MCPH1: variants seen among roughly 807,000 people sequenced by gnomAD.
MCPH1 encodes microcephalin 1.
In MCPH1, 104 loss-of-function variants were observed where a neutral mutation model predicts 84.5. The observed-to-expected ratio is 1.23, with a 90% CI of 1.05 to 1.45. MCPH1 has a LOEUF of 1.45. Ranked by LOEUF, MCPH1 falls within the 40% of genes most tolerant of loss-of-function variation. The pLI is 0.00. For missense variants in MCPH1, 1,498 were observed against 1,005.7 expected (o/e 1.49, Z -6.62); for synonymous variants, 514 against 366.8 (o/e 1.40, Z -4.58).
At chr8:6,532,275 A>T (rs1407752116) in intron 12 of MCPH1, 2 of 1,601,320 alleles carry the variant, frequency 1.2e-6, no homozygotes, top group East Asian at 2.3e-5. Flanking sequence ...TCCTGACGCG[A>T]CTGAGTGCTA....
At chr8:6,611,856 G>A (rs1380166042) in intron 12 of MCPH1, among the ~76,000 whole-genome samples, 1 of 152,060 alleles carries the variant, frequency 6.6e-6, no homozygotes, top group Non-Finnish European at 1.5e-5. Flanking sequence ...CTGACCTCGT[G>A]ATCCACCCAC....
intron 12 of MCPH1, among the ~76,000 whole-genome samples, chr8:6,549,039 G>T (rs1223057802): frequency 6.6e-6 from 1 of 152,210 alleles, no homozygotes; most frequent in African/African-American, 2.4e-5. Context: ...AGACCACTCA[G>T]CGTATTTTCT....
intron 12 of MCPH1, among the ~76,000 whole-genome samples, chr8:6,610,275 A>G (rs767618350): frequency 6.6e-6 from 1 of 152,208 alleles, no homozygotes; most frequent in Non-Finnish European, 1.5e-5. Context: ...GCGGTTTGGA[A>G]AACACGAGCC....
At chr8:6,407,038 C>G in intron 1 of MCPH1, 1 of 365,340 alleles carries the variant, frequency 2.7e-6, no homozygotes, top group South Asian at 2.3e-5. Context: ...TGCCTGCTCC[C>G]TCCCCCATGC....
chr8:6,580,380 G>C (rs956761327), intron 12 of MCPH1, among the ~76,000 whole-genome samples: 2 of 152,228 alleles, frequency 1.3e-5, no homozygotes, highest in Non-Finnish European at 2.9e-5. Context: ...GTTGGGGCCA[G>C]GCATGGTGGT....
At chr8:6,442,563 G>A (rs1803675397) in intron 7 of MCPH1, among the ~76,000 whole-genome samples, 3 of 152,104 alleles carry the variant, frequency 2.0e-5, no homozygotes, top group Non-Finnish European at 4.4e-5. Context: ...CGTCAATTGA[G>A]GAGATAAATA....
chr8:6,502,912 G>A, intron 12 of MCPH1: 1 of 622,304 alleles, frequency 1.6e-6, no homozygotes, highest in Non-Finnish European at 2.7e-6. Context: ...TCTTGCTTTG[G>A]TCCGTTAAGT....
At chr8:6,551,983 A>G (rs1029035642) in intron 12 of MCPH1, among the ~76,000 whole-genome samples, 1 of 152,204 alleles carries the variant, frequency 6.6e-6, no homozygotes, top group Non-Finnish European at 1.5e-5. Flanking sequence ...TCTTCAGACT[A>G]ATGTTTATAA....
intron 12 of MCPH1, among the ~76,000 whole-genome samples, chr8:6,567,102 T>TA (rs1826245327): frequency 7.1e-6 from 1 of 141,086 alleles, no homozygotes; most frequent in Admixed American, 7.1e-5. Context: ...GGCAAGGCCA[T>TA]GGATAGTGCA....
At chr8:6,576,627 C>T (rs369153534) in intron 12 of MCPH1, among the ~76,000 whole-genome samples, 12 of 148,170 alleles carry the variant, frequency 8.1e-5, no homozygotes, top group East Asian at 2.0e-4. Flanking sequence ...TCTGCCTCAG[C>T]CTTCTGAGTA....
chr8:6,532,928 G>A (rs912326833), intron 12 of MCPH1, among the ~76,000 whole-genome samples: 1 of 152,096 alleles, frequency 6.6e-6, no homozygotes, highest in Admixed American at 6.5e-5. Flanking sequence ...CTAGACTTTT[G>A]GTTTCTCCAC....
At chr8:6,459,953 G>A (rs1338263637) in intron 9 of MCPH1, among the ~76,000 whole-genome samples, 1 of 152,242 alleles carries the variant, frequency 6.6e-6, no homozygotes, top group African/African-American at 2.4e-5. Flanking sequence ...ACCGCGAGAA[G>A]AGAGAGGCTG....
intron 9 of MCPH1, among the ~76,000 whole-genome samples, chr8:6,459,237 T>A (rs1479444362): frequency 6.6e-6 from 1 of 152,168 alleles, no homozygotes; most frequent in African/African-American, 2.4e-5. Context: ...GATTTCAAGA[T>A]AAACTGTGTT....
At chr8:6,615,709 C>T (rs1830719690) in intron 12 of MCPH1, 1 of 152,092 alleles carries the variant, frequency 6.6e-6, no homozygotes, top group South Asian at 2.1e-4. Flanking sequence ...ATTAGCGTAA[C>T]CACTAATTAT....
intron 12 of MCPH1, among the ~76,000 whole-genome samples, chr8:6,520,779 G>T (rs1817177041): frequency 6.6e-6 from 1 of 152,130 alleles, no homozygotes; most frequent in African/African-American, 2.4e-5. Context: ...GCAAGATAAG[G>T]GAACTAGCAT....
chr8:6,454,641 C>T (rs2922825), intron 8 of MCPH1, among the ~76,000 whole-genome samples: 48 of 152,258 alleles, frequency 3.2e-4, no homozygotes, highest in African/African-American at 1.1e-3. Flanking sequence ...CATGGCAAGA[C>T]GCTGGTCTAA....
intron 3 of MCPH1, among the ~76,000 whole-genome samples, chr8:6,429,119 G>C (rs1801474131): frequency 6.6e-6 from 1 of 152,180 alleles, no homozygotes; most frequent in African/African-American, 2.4e-5. Context: ...GATACATTTT[G>C]GTTAAATCGG....
At chr8:6,451,571 G>A (rs369430008) in intron 8 of MCPH1, among the ~76,000 whole-genome samples, 1 of 151,140 alleles carries the variant, frequency 6.6e-6, no homozygotes, top group African/African-American at 2.4e-5. Context: ...TGTTGTTTTT[G>A]TTTTTTTCAG....
chr8:6,616,153 T>C (rs1830768338), intron 12 of MCPH1: 1 of 152,152 alleles, frequency 6.6e-6, no homozygotes, highest in African/African-American at 2.4e-5. Context: ...GGAAGAATGC[T>C]GTGAATGAGA....
Sources: allele counts gnomAD v4.1 joint callset (sites outside exome capture counted in the v4.1 genomes callset), GRCh38; gene constraint gnomAD v4.1.1; transcripts MANE v1.5; gene names NCBI Gene and HGNC (gene_info 2026-07-23, HGNC 2026-07-21).